AGBL4: variants seen among roughly 807,000 people sequenced by gnomAD.
AGBL4 encodes the protein cytosolic carboxypeptidase 6.
In AGBL4, 58 loss-of-function variants were observed where a neutral mutation model predicts 66.4. The observed-to-expected ratio is 0.87, with a 90% CI of 0.71 to 1.09. The LOEUF (loss-of-function observed/expected upper bound fraction) is 1.09. Among genes scored for constraint, AGBL4 ranks in the 50% least tolerant of loss-of-function variants. The pLI, the probability that AGBL4 is intolerant of heterozygous loss-of-function variation, is 0.00. For synonymous variants in AGBL4, 234 were observed against 222.9 expected (o/e 1.05, Z -0.44); for missense variants, 579 against 631.0 (o/e 0.92, Z 0.88).
At chr1:48,947,622 AAAG>A (rs1377985695) in intron 5 of AGBL4, among the ~76,000 whole-genome samples, 1 of 152,228 alleles carries the variant, frequency 6.6e-6, no homozygotes, top group African/African-American at 2.4e-5. Flanking sequence ...AATGAAAGAA[AAAG>A]AAGAATATCA....
At chr1:49,915,381 C>G (rs1298716573) in intron 1 of AGBL4, among the ~76,000 whole-genome samples, 4 of 152,180 alleles carry the variant, frequency 2.6e-5, no homozygotes, top group African/African-American at 9.6e-5. Context: ...GGGTCACTCC[C>G]ACCCTAATAC....
chr1:49,524,664 T>C (rs890963339), intron 3 of AGBL4, among the ~76,000 whole-genome samples: 3 of 152,004 alleles, frequency 2.0e-5, no homozygotes, highest in Non-Finnish European at 4.4e-5. Context: ...ATAATGTCTC[T>C]CTCTTGCCAT....
intron 3 of AGBL4, among the ~76,000 whole-genome samples, chr1:49,485,856 C>G (rs1475882950): frequency 6.6e-6 from 1 of 151,590 alleles, no homozygotes; most frequent in Non-Finnish European, 1.5e-5. Flanking sequence ...ATGTAGAGAG[C>G]CTTAATGGGT....
intron 1 of AGBL4, among the ~76,000 whole-genome samples, chr1:49,952,488 A>G (rs983143447): frequency 6.6e-6 from 1 of 151,992 alleles, no homozygotes; most frequent in Admixed American, 6.6e-5. Flanking sequence ...CTTTTTACAT[A>G]TGGCATTCCC....
At chr1:48,979,562 T>G (rs1659588361) in intron 5 of AGBL4, among the ~76,000 whole-genome samples, 4 of 151,780 alleles carry the variant, frequency 2.6e-5, no homozygotes, top group Admixed American at 1.3e-4. Flanking sequence ...TTGGATAGGG[T>G]GGGAAAAAGG....
chr1:49,279,718 A>T (rs1644238744), intron 3 of AGBL4, among the ~76,000 whole-genome samples: 1 of 152,220 alleles, frequency 6.6e-6, no homozygotes, highest in African/African-American at 2.4e-5. Flanking sequence ...GTCACTGAGA[A>T]AATTATGGTA....
At chr1:49,695,748 T>C (rs1045224831) in intron 3 of AGBL4, among the ~76,000 whole-genome samples, 2 of 152,158 alleles carry the variant, frequency 1.3e-5, no homozygotes, top group Non-Finnish European at 2.9e-5. Context: ...TTCAGGACTC[T>C]TCCCTAGATT....
chr1:49,737,877 T>A (rs1650030369), intron 2 of AGBL4, among the ~76,000 whole-genome samples: 1 of 152,200 alleles, frequency 6.6e-6, no homozygotes, highest in Non-Finnish European at 1.5e-5. Flanking sequence ...CTCCACTCTA[T>A]AGCTCCCAGC....
intron 3 of AGBL4, among the ~76,000 whole-genome samples, chr1:49,409,795 GT>G (rs1252788489): frequency 1.3e-5 from 2 of 152,068 alleles, no homozygotes; most frequent in African/African-American, 4.8e-5. Context: ...ATGAACAAAA[GT>G]TTCCATTTTC....
chr1:49,057,571 A>T (rs1644329682), intron 4 of AGBL4, among the ~76,000 whole-genome samples: 1 of 152,064 alleles, frequency 6.6e-6, no homozygotes, highest in African/African-American at 2.4e-5. Flanking sequence ...TTATCTCAAG[A>T]CCTTTGAACA....
chr1:48,707,478 T>C (rs1468220912), intron 6 of AGBL4, among the ~76,000 whole-genome samples: 4 of 152,174 alleles, frequency 2.6e-5, no homozygotes, highest in African/African-American at 9.7e-5. Context: ...TGCCATGTGC[T>C]TGGGCTAATC....
intron 6 of AGBL4, among the ~76,000 whole-genome samples, chr1:48,764,254 TG>T (rs1290384281): frequency 6.6e-6 from 1 of 152,248 alleles, no homozygotes; most frequent in Non-Finnish European, 1.5e-5. Context: ...ACTTGCTAGG[TG>T]ATCTTGAGTA....
chr1:48,814,779 T>C (rs908619803), intron 6 of AGBL4, among the ~76,000 whole-genome samples: 5 of 152,168 alleles, frequency 3.3e-5, no homozygotes, highest in Admixed American at 1.3e-4. Context: ...ATTGTGTATA[T>C]ACACCACATT....
intron 6 of AGBL4, among the ~76,000 whole-genome samples, chr1:48,863,606 A>C (rs1280479041): frequency 6.6e-6 from 1 of 152,110 alleles, no homozygotes; most frequent in African/African-American, 2.4e-5. Flanking sequence ...TCGATGCAGA[A>C]TTAAGCGTGG....
At chr1:48,973,881 G>A (rs1659109487) in intron 5 of AGBL4, among the ~76,000 whole-genome samples, 1 of 152,194 alleles carries the variant, frequency 6.6e-6, no homozygotes, top group South Asian at 2.1e-4. Context: ...ATTAGAGATA[G>A]TAGCGTTGGG....
chr1:49,960,927 C>T (rs1473375256), intron 1 of AGBL4, among the ~76,000 whole-genome samples: 2 of 151,896 alleles, frequency 1.3e-5, no homozygotes, highest in East Asian at 1.9e-4. Context: ...TTGTGAGCCA[C>T]GTGAATATCT....
chr1:48,719,722 C>G (rs990753409), intron 6 of AGBL4, among the ~76,000 whole-genome samples: 1 of 152,198 alleles, frequency 6.6e-6, no homozygotes. Flanking sequence ...TTTCTATGTG[C>G]TAGGTATAGT....
At chr1:49,887,994 G>A (rs1648246467) in intron 1 of AGBL4, among the ~76,000 whole-genome samples, 1 of 152,084 alleles carries the variant, frequency 6.6e-6, no homozygotes, top group South Asian at 2.1e-4. Flanking sequence ...TTTTATTTAA[G>A]ACTTAGAAAA....
At chr1:49,781,506 T>C (rs1341131287) in intron 2 of AGBL4, among the ~76,000 whole-genome samples, 2 of 151,914 alleles carry the variant, frequency 1.3e-5, no homozygotes, top group Non-Finnish European at 2.9e-5. Flanking sequence ...AAGCAAAACA[T>C]GACAGAATTA....
Sources: gnomAD v4.1 joint callset for allele counts (sites outside exome capture counted in the v4.1 genomes callset) on GRCh38, gnomAD v4.1.1 for gene constraint, MANE v1.5 for transcripts, NCBI Gene and HGNC (gene_info 2026-07-23, HGNC 2026-07-21) for gene names.